The following DCC variants were observed in gnomAD, a reference collection of about 807,000 sequenced individuals.
DCC encodes DCC netrin 1 receptor, also known as netrin receptor DCC.
DCC carries 58 observed loss-of-function variants against 172.5 expected under a neutral mutation model. The ratio of observed to expected loss-of-function variants is 0.34; its 90% confidence interval spans 0.27 to 0.42. The LOEUF is 0.42. Ranked by LOEUF, DCC falls within the 10% of genes least tolerant of loss-of-function variation. DCC has a pLI of 1.00. For synonymous variants in DCC, 709 were observed against 644.5 expected (o/e 1.10, Z -1.52); for missense variants, 1,740 against 1,791.0 (o/e 0.97, Z 0.51).
intron 12 of DCC, among the ~76,000 whole-genome samples, chr18:53,299,365 C>T (rs981101004): frequency 3.3e-5 from 5 of 152,032 alleles, no homozygotes; most frequent in Non-Finnish European, 7.4e-5. Context: ...TTTCCTTATC[C>T]TATATATCCT....
intron 10 of DCC, among the ~76,000 whole-genome samples, chr18:53,207,086 A>G (rs370490970): frequency 6.6e-6 from 1 of 152,134 alleles, no homozygotes; most frequent in African/African-American, 2.4e-5. Flanking sequence ...TTGCCAACCA[A>G]TTTAAATAAA....
intron 2 of DCC, among the ~76,000 whole-genome samples, chr18:52,792,806 G>T (rs60695125): frequency 8.5e-4 from 81 of 95,238 alleles, no homozygotes; most frequent in African/African-American, 2.9e-3. Context: ...TTCCATTCCA[G>T]TTGATTCAAT....
At chr18:52,938,203 G>A (rs1425318514) in intron 5 of DCC, among the ~76,000 whole-genome samples, 1 of 152,080 alleles carries the variant, frequency 6.6e-6, no homozygotes, top group Non-Finnish European at 1.5e-5. Context: ...AAAAACTCAA[G>A]GTGGAGGAAA....
chr18:53,375,616 C>CCTTTT (rs1555660825), intron 15 of DCC, among the ~76,000 whole-genome samples: 11 of 123,052 alleles, frequency 8.9e-5, no homozygotes, highest in Admixed American at 1.6e-4. Context: ...ATATTTAATT[C>CCTTTT]TTTTTTTTTT....
chr18:53,269,262 T>A (rs1226174062), intron 12 of DCC, among the ~76,000 whole-genome samples: 1 of 152,230 alleles, frequency 6.6e-6, no homozygotes, highest in African/African-American at 2.4e-5. Context: ...CAAAAAATGT[T>A]TTAAAATATT....
intron 1 of DCC, among the ~76,000 whole-genome samples, chr18:52,664,476 C>CTTTTT (rs374796439): frequency 8.9e-5 from 10 of 112,464 alleles, no homozygotes; most frequent in Admixed American, 5.6e-4. Context: ...TTTTCTTTTT[C>CTTTTT]TTTTTTTTTT....
At chr18:53,435,346 A>T (rs1911871373) in intron 22 of DCC, 137 bp downstream of exon 22, 1 of 637,246 alleles carries the variant, frequency 1.6e-6, no homozygotes, top group Non-Finnish European at 2.8e-6. Flanking sequence ...TAATAGAAAC[A>T]TGAAGTTATT....
chr18:52,733,535 C>T (rs528937912), intron 1 of DCC, among the ~76,000 whole-genome samples: 1 of 152,134 alleles, frequency 6.6e-6, no homozygotes, highest in Non-Finnish European at 1.5e-5. Context: ...CACTCTGTTG[C>T]CCGAGCTGGA....
chr18:52,522,608 C>T (rs1181248181), intron 1 of DCC, among the ~76,000 whole-genome samples: 1 of 152,184 alleles, frequency 6.6e-6, no homozygotes, highest in Admixed American at 6.6e-5. Flanking sequence ...CAACCTTTCT[C>T]TAAGCCTGTC....
chr18:52,367,453 C>T (rs1470444543), intron 1 of DCC, among the ~76,000 whole-genome samples: 3 of 152,218 alleles, frequency 2.0e-5, no homozygotes, highest in Non-Finnish European at 4.4e-5. Context: ...ACTGCCAGCA[C>T]GCTGTCACCT....
intron 12 of DCC, among the ~76,000 whole-genome samples, chr18:53,274,323 A>G (rs1266200550): frequency 6.6e-6 from 1 of 152,152 alleles, no homozygotes; most frequent in South Asian, 2.1e-4. Context: ...GATTGTTGCT[A>G]CATCATCCAG....
chr18:52,690,892 G>A (rs2035920504), intron 1 of DCC, among the ~76,000 whole-genome samples: 1 of 152,026 alleles, frequency 6.6e-6, no homozygotes, highest in Non-Finnish European at 1.5e-5. Flanking sequence ...GGGGCTTCTC[G>A]GGTAGGTGAA....
intron 5 of DCC, chr18:52,934,627 T>C (rs991740424): frequency 3.9e-5 from 6 of 152,162 alleles, no homozygotes; most frequent in African/African-American, 1.4e-4. Flanking sequence ...TGGACAGAAT[T>C]ATGTCCTTTC....
intron 7 of DCC, among the ~76,000 whole-genome samples, chr18:53,107,419 G>C (rs2043265168): frequency 6.6e-6 from 1 of 150,444 alleles, no homozygotes; most frequent in Non-Finnish European, 1.5e-5. Context: ...ATTTCTGTTT[G>C]ACAGTGAACT....
At chr18:52,675,162 G>T (rs1341197342) in intron 1 of DCC, among the ~76,000 whole-genome samples, 1 of 152,068 alleles carries the variant, frequency 6.6e-6, no homozygotes, top group African/African-American at 2.4e-5. Context: ...AGGTTCAAGC[G>T]ATTCTCCTGC....
intron 22 of DCC, among the ~76,000 whole-genome samples, chr18:53,443,027 A>C (rs1293724948): frequency 6.6e-6 from 1 of 152,200 alleles, no homozygotes; most frequent in Non-Finnish European, 1.5e-5. Context: ...TGCAAAGTGC[A>C]ACAGCAAGTA....
chr18:52,710,078 C>T (rs1387564205), intron 1 of DCC, among the ~76,000 whole-genome samples: 1 of 152,170 alleles, frequency 6.6e-6, no homozygotes, highest in Non-Finnish European at 1.5e-5. Flanking sequence ...TATCCTCCAC[C>T]TTGATCCAGT....
At chr18:52,970,215 A>T (rs1436648806) in intron 5 of DCC, among the ~76,000 whole-genome samples, 1 of 152,084 alleles carries the variant, frequency 6.6e-6, no homozygotes, top group Non-Finnish European at 1.5e-5. Flanking sequence ...TGATTGTTTA[A>T]ATCTTCTGAA....
intron 24 of DCC, among the ~76,000 whole-genome samples, chr18:53,465,059 CAAG>C (rs1459282081): frequency 2.7e-5 from 4 of 150,130 alleles, no homozygotes; most frequent in African/African-American, 9.8e-5. Flanking sequence ...TTTGGAGTGG[CAAG>C]AAGAAGCACA....
Sources: allele counts gnomAD v4.1 joint callset (sites outside exome capture counted in the v4.1 genomes callset), GRCh38; gene constraint gnomAD v4.1.1; transcripts MANE v1.5; gene names NCBI Gene and HGNC (gene_info 2026-07-23, HGNC 2026-07-21).